The following RARS2 variants were observed in gnomAD, a reference collection of about 807,000 sequenced individuals.
RARS2 encodes probable arginine--tRNA ligase, mitochondrial.
RARS2 carries 67 observed loss-of-function variants against 88.5 expected under a neutral mutation model. That is an observed-to-expected ratio of 0.76 (90% confidence interval 0.62 to 0.93). The LOEUF is 0.93. RARS2 is among the 40% of genes least tolerant of loss of function. The pLI is 0.00. For synonymous variants in RARS2, 239 were observed against 230.3 expected (o/e 1.04, Z -0.34); for missense variants, 664 against 684.2 (o/e 0.97, Z 0.33).
rs369222753 is a variant in RARS2 at position 87,578,114 on chromosome 6, C to CG, written c.37-8525_37-8524insC. ...CTGGGGCAACATAGCGAGACCCCCCCCCCCGCCATCTCTATTTAAAAATAA... is the reference window on the plus strand; with the variant it reads ...CTGGGGCAACATAGCGAGACCCCCCCGCCCCGCCATCTCTATTTAAAAATAA... On this transcript the variant is annotated intron_variant, in intron 1 of 19. Coordinates refer to ENST00000369536, the MANE Select transcript of RARS2 (RefSeq NM_020320.5). Among the ~76,000 whole-genome samples, 180 of 148,866 alleles carry CG rather than the reference C, an allele frequency of 1.2e-3. 1 individual carries two copies. Among genetic ancestry groups the CG allele is most frequent in the African/African-American group, 3.8e-3 (152 of 39,616 alleles).
At chr6:87,519,829 A>C in intron 13 of RARS2, 122 bp from the exon 14 acceptor site, 2 of 1,172,612 alleles carry the variant, frequency 1.7e-6, no homozygotes, top group Non-Finnish European at 2.5e-6. Context: ...AAAATTAATA[A>C]AATGAAATTG....
At chr6:87,539,837 G>C (rs1756837770) in intron 8 of RARS2, among the ~76,000 whole-genome samples, 3 of 152,194 alleles carry the variant, frequency 2.0e-5, no homozygotes. Context: ...CGGGGAACAA[G>C]CATGCTATTT....
At chr6:87,589,829 C>G in intron 1 of RARS2, 93 bp downstream of exon 1, 5 of 1,613,430 alleles carry the variant, frequency 3.1e-6, no homozygotes, top group Non-Finnish European at 4.2e-6. Flanking sequence ...TGGGACCCAC[C>G]CTCCAGCTGA....
Position 87,518,624 on chromosome 6 carries a change from T to A in RARS2, c.1415+6A>T. On this transcript the variant is annotated splice_donor_region_variant and intron_variant, in intron 16 of 19. Coordinates refer to ENST00000369536, the MANE Select transcript of RARS2 (RefSeq NM_020320.5). ...AGCACAAGGTTTCCCTGCAGCCTCT[T>A]CTCACCTGTGGAGGCGGGCGTGTGT... 1.9e-6 allele frequency: 3 copies of A among 1,607,530 alleles called. No homozygotes were observed. The highest frequency in any genetic ancestry group is 2.6e-6 in the Non-Finnish European group (3 of 1,174,312).
At chr6:87,579,897 T>C (rs185402279) in intron 1 of RARS2, among the ~76,000 whole-genome samples, 1 of 151,636 alleles carries the variant, frequency 6.6e-6, no homozygotes. Flanking sequence ...AGGCACCCAC[T>C]ATGCCCAGCT....
intron 1 of RARS2, 59 bp from the exon 2 acceptor site, chr6:87,569,649 G>T: frequency 7.7e-7 from 1 of 1,290,902 alleles, no homozygotes; most frequent in Non-Finnish European, 1.1e-6. Flanking sequence ...TCCATTCAAT[G>T]GAATACCACT....
chr6:87,536,162 C>CAA (rs56704136), intron 8 of RARS2, among the ~76,000 whole-genome samples: 2 of 151,030 alleles, frequency 1.3e-5, no homozygotes, highest in African/African-American at 2.4e-5. Flanking sequence ...CCTTCTATAG[C>CAA]AAAAAAAAAG....
At chr6:87,519,162 G>T in intron 14 of RARS2, 1 of 296,360 alleles carries the variant, frequency 3.4e-6, no homozygotes, top group Non-Finnish European at 6.0e-6. Flanking sequence ...ATATGTATGT[G>T]TGTATATATA....
At chr6:87,531,947 T>C (rs1180936297) in intron 8 of RARS2, among the ~76,000 whole-genome samples, 1 of 152,116 alleles carries the variant, frequency 6.6e-6, no homozygotes, top group Non-Finnish European at 1.5e-5. Flanking sequence ...GCAATAAAAA[T>C]TGGTGAATAA....
chr6:87,536,498 G>A (rs1389346749), intron 8 of RARS2, among the ~76,000 whole-genome samples: 1 of 151,904 alleles, frequency 6.6e-6, no homozygotes, highest in African/African-American at 2.4e-5. Flanking sequence ...TTAGCTGGGC[G>A]TGGTAGTGCA....
chr6:87,569,369 TA>T (rs1445665266), intron 2 of RARS2, 147 bp downstream of exon 2: 2 of 649,300 alleles, frequency 3.1e-6, no homozygotes, highest in Non-Finnish European at 5.5e-6. Flanking sequence ...TCAACAGGAG[TA>T]ATAGGCTGAG....
At position 87,562,796 on chromosome 6, in the gene RARS2, C is replaced by G; in HGVS notation, c.214-11G>C. 6.3e-7 allele frequency: 1 copy of G among 1,595,584 alleles called. No individual in the cohort carries two copies. On this transcript the variant is annotated splice_polypyrimidine_tract_variant and intron_variant, in intron 3 of 19. Coordinates refer to ENST00000369536, the MANE Select transcript of RARS2 (RefSeq NM_020320.5). ...TGTATCACATCTTAGCTGAAAAGAA[C>G]AAATCACACAAAGTAGGTATGTTAT... is the stretch of plus-strand genomic sequence containing the variant.
intron 2 of RARS2, among the ~76,000 whole-genome samples, chr6:87,566,203 A>T (rs1282037966): frequency 2.6e-5 from 4 of 152,222 alleles, no homozygotes; most frequent in African/African-American, 9.6e-5. Flanking sequence ...GCAACAAGGG[A>T]ATGTTACAAT....
At chr6:87,564,965 C>T (rs1351915905) in intron 2 of RARS2, among the ~76,000 whole-genome samples, 22 of 151,676 alleles carry the variant, frequency 1.5e-4, no homozygotes, top group East Asian at 7.9e-4. Context: ...GGCTTAGGCA[C>T]GAGAATTGCT....
At chr6:87,545,502 A>T (rs1259928270) in intron 7 of RARS2, 114 bp downstream of exon 7, 9 of 1,276,922 alleles carry the variant, frequency 7.0e-6, no homozygotes, top group African/African-American at 1.5e-5. Context: ...AAAAAAAAAT[A>T]GGTAGGACAT....
At chr6:87,525,962 G>C (rs1775550960) in intron 10 of RARS2, among the ~76,000 whole-genome samples, 2 of 151,742 alleles carry the variant, frequency 1.3e-5, no homozygotes, top group African/African-American at 4.8e-5. Flanking sequence ...TAACCAAGGA[G>C]GTAAAATATC....
chr6:87,575,946 G>A (rs922230128), intron 1 of RARS2, among the ~76,000 whole-genome samples: 1 of 151,518 alleles, frequency 6.6e-6, no homozygotes, highest in Non-Finnish European at 1.5e-5. Flanking sequence ...GGGATTACAG[G>A]CACCCACCAT....
At chr6:87,585,482 G>A (rs148938094) in intron 1 of RARS2, among the ~76,000 whole-genome samples, 9 of 152,258 alleles carry the variant, frequency 5.9e-5, no homozygotes, top group African/African-American at 2.2e-4. Flanking sequence ...TGTAATCCCG[G>A]CACTTTGGGA....
At chr6:87,553,139 G>C (rs930290318) in intron 5 of RARS2, among the ~76,000 whole-genome samples, 1 of 152,180 alleles carries the variant, frequency 6.6e-6, no homozygotes, top group African/African-American at 2.4e-5. Context: ...TTCAAGACTA[G>C]ATGATTTCAC....
Sources: gnomAD v4.1 joint callset for allele counts (sites outside exome capture counted in the v4.1 genomes callset) on GRCh38, gnomAD v4.1.1 for gene constraint, MANE v1.5 for transcripts, NCBI Gene and HGNC (gene_info 2026-07-23, HGNC 2026-07-21) for gene names.